Variants in NRG3 observed in about 807,000 individuals in gnomAD.
NRG3 encodes neuregulin 3, also known as pro-neuregulin-3, membrane-bound isoform.
A neutral mutation model predicts 66.9 loss-of-function variants in NRG3; 31 were observed. The ratio of observed to expected loss-of-function variants is 0.46; its 90% confidence interval spans 0.35 to 0.63. The LOEUF is 0.63. Ranked by LOEUF, NRG3 falls within the 20% of genes least tolerant of loss-of-function variation. The pLI is 0.00. For synonymous variants in NRG3, 393 were observed against 359.4 expected, an observed-to-expected ratio of 1.09 and a Z score of -1.06; for missense variants, 910 against 878.9, an observed-to-expected ratio of 1.04 and a Z score of -0.45.
At chr10:82,499,573 T>TA (rs1843955766) in intron 2 of NRG3, among the ~76,000 whole-genome samples, 1 of 152,108 alleles carries the variant, frequency 6.6e-6, no homozygotes, top group Non-Finnish European at 1.5e-5. Context: ...TTCTTAAATA[T>TA]AAATGTTTTT....
chr10:82,245,254 C>T (rs1396131354), intron 1 of NRG3, among the ~76,000 whole-genome samples: 1 of 152,122 alleles, frequency 6.6e-6, no homozygotes, highest in Non-Finnish European at 1.5e-5. Flanking sequence ...GTGTAGTTCA[C>T]AATAGGGTTC....
chr10:82,925,368 G>C (rs1846878071), intron 4 of NRG3, among the ~76,000 whole-genome samples: 1 of 152,198 alleles, frequency 6.6e-6, no homozygotes, highest in South Asian at 2.1e-4. Context: ...TTATACTTTA[G>C]TTTCTCTGTG....
intron 1 of NRG3, among the ~76,000 whole-genome samples, chr10:81,880,060 T>C (rs1281718530): frequency 6.6e-6 from 1 of 152,158 alleles, no homozygotes; most frequent in Non-Finnish European, 1.5e-5. Context: ...AACCTGAGTA[T>C]GTTTTGATTT....
intron 2 of NRG3, among the ~76,000 whole-genome samples, chr10:82,361,567 C>G (rs1384817546): frequency 6.6e-6 from 1 of 152,172 alleles, no homozygotes; most frequent in Admixed American, 6.5e-5. Context: ...TACTCCTATT[C>G]AACAAATGTT....
chr10:82,667,613 T>C (rs1327386355), intron 2 of NRG3, among the ~76,000 whole-genome samples: 2 of 152,042 alleles, frequency 1.3e-5, no homozygotes, highest in Non-Finnish European at 2.9e-5. Flanking sequence ...AGAGGAAGAC[T>C]TGAGAGGAGG....
intron 1 of NRG3, among the ~76,000 whole-genome samples, chr10:82,152,397 C>G (rs932769414): frequency 6.6e-6 from 1 of 152,122 alleles, no homozygotes; most frequent in Non-Finnish European, 1.5e-5. Context: ...TTTGCTTAGC[C>G]TTTGTATCTC....
chr10:82,921,372 G>A (rs1014280608), intron 4 of NRG3, among the ~76,000 whole-genome samples: 2 of 152,132 alleles, frequency 1.3e-5, no homozygotes, highest in African/African-American at 2.4e-5. Context: ...ATGTGATGTG[G>A]CATTCCAGAT....
intron 1 of NRG3, among the ~76,000 whole-genome samples, chr10:82,299,498 G>C (rs1452446284): frequency 6.6e-6 from 1 of 151,598 alleles, no homozygotes; most frequent in Non-Finnish European, 1.5e-5. Flanking sequence ...ATAGCGAAGA[G>C]GCCAGCATTT....
intron 1 of NRG3, among the ~76,000 whole-genome samples, chr10:81,988,697 C>G (rs544815133): frequency 1.3e-5 from 2 of 152,074 alleles, no homozygotes; most frequent in East Asian, 3.9e-4. Flanking sequence ...CCTGTCTCTT[C>G]CCAGATAAGT....
intron 3 of NRG3, among the ~76,000 whole-genome samples, chr10:82,741,884 C>T (rs1358314268): frequency 6.6e-6 from 1 of 152,084 alleles, no homozygotes; most frequent in Non-Finnish European, 1.5e-5. Context: ...TTCTAAGGAA[C>T]AATATTTGCA....
chr10:82,136,340 C>A (rs1433100450), intron 1 of NRG3, among the ~76,000 whole-genome samples: 1 of 152,176 alleles, frequency 6.6e-6, no homozygotes, highest in East Asian at 1.9e-4. Context: ...CTGGCTCCCA[C>A]CTATGTTCAT....
At chr10:82,572,371 A>G (rs370279213) in intron 2 of NRG3, among the ~76,000 whole-genome samples, 6 of 151,700 alleles carry the variant, frequency 4.0e-5, no homozygotes, top group African/African-American at 1.5e-4. Context: ...TCATTATTCT[A>G]CATTAACAGT....
At chr10:82,578,461 A>G (rs901641425) in intron 2 of NRG3, among the ~76,000 whole-genome samples, 3 of 151,344 alleles carry the variant, frequency 2.0e-5, no homozygotes, top group African/African-American at 7.3e-5. Context: ...CTGTGTTACA[A>G]TAAAACTTTA....
intron 4 of NRG3, among the ~76,000 whole-genome samples, chr10:82,876,170 A>G (rs1320100608): frequency 6.6e-6 from 1 of 152,216 alleles, no homozygotes; most frequent in Admixed American, 6.5e-5. Context: ...CTGAAGAATA[A>G]CATAAGACCA....
intron 2 of NRG3, among the ~76,000 whole-genome samples, chr10:82,408,119 GAAAGAA>G (rs1554911268): frequency 7.1e-6 from 1 of 141,016 alleles, no homozygotes. Flanking sequence ...AAGAAAGAAA[GAAAGAA>G]AGAAAGAAAG....
intron 1 of NRG3, among the ~76,000 whole-genome samples, chr10:82,139,532 T>C (rs73320358): frequency 0.011 from 1,701 of 152,278 alleles, 29 homozygotes; most frequent in African/African-American, 0.038. Context: ...GCCCGTTAAG[T>C]CCTCATTGTC....
intron 2 of NRG3, among the ~76,000 whole-genome samples, chr10:82,403,988 G>A (rs1004862995): frequency 6.6e-5 from 10 of 152,116 alleles, no homozygotes; most frequent in Non-Finnish European, 1.5e-5. Context: ...TTTGTAACTT[G>A]AGGTTTGCTG....
chr10:82,214,561 C>T (rs2075568295), intron 1 of NRG3, among the ~76,000 whole-genome samples: 1 of 152,188 alleles, frequency 6.6e-6, no homozygotes, highest in South Asian at 2.1e-4. Context: ...AACACCTGGG[C>T]CCAAGTGATC....
chr10:82,230,067 A>G (rs1449514723), intron 1 of NRG3: 3 of 152,074 alleles, frequency 2.0e-5, no homozygotes, highest in African/African-American at 7.2e-5. Context: ...ATATATGGAG[A>G]AAAAAAATGT....
Sources: allele counts gnomAD v4.1 joint callset (sites outside exome capture counted in the v4.1 genomes callset), GRCh38; gene constraint gnomAD v4.1.1; transcripts MANE v1.5; gene names NCBI Gene and HGNC (gene_info 2026-07-23, HGNC 2026-07-21).